DLGAP1: variants seen among roughly 807,000 people sequenced by gnomAD.
DLGAP1 encodes disks large-associated protein 1.
In DLGAP1, 11 loss-of-function variants were observed where a neutral mutation model predicts 90.8. That is an observed-to-expected ratio of 0.12 (90% confidence interval 0.08 to 0.20). The LOEUF (loss-of-function observed/expected upper bound fraction) is 0.20, where lower values mean the gene tolerates loss of function less well. Ranked by LOEUF, DLGAP1 falls within the 10% of genes least tolerant of loss-of-function variation. DLGAP1 has a pLI of 1.00. For missense variants in DLGAP1, 1,050 were observed against 1,333.8 expected, an observed-to-expected ratio of 0.79 and a Z score of 3.31; for synonymous variants, 558 against 540.7, an observed-to-expected ratio of 1.03 and a Z score of -0.44.
rs113703620 is a variant in DLGAP1 at position 3,946,672 on chromosome 18, T to C, written c.-73+58444A>G. ...CTCTGTGAAAAAAACTATCAAGTATTAAAATTAATTTGGTCTCTAACTAAT... is the reference window on the plus strand; with the variant it reads ...CTCTGTGAAAAAAACTATCAAGTATCAAAATTAATTTGGTCTCTAACTAAT... On this transcript the variant is annotated intron_variant, in intron 3 of 12. Transcript: ENST00000315677. 5.9e-3 allele frequency among the ~76,000 whole-genome samples: 895 copies of C among 152,296 alleles called. 10 individuals carry two copies. The highest frequency in any genetic ancestry group is 0.037 in the South Asian group (180 of 4,822).
intron 3 of DLGAP1, among the ~76,000 whole-genome samples, chr18:3,926,811 T>C (rs147806381): frequency 4.9e-4 from 75 of 152,240 alleles, no homozygotes; most frequent in African/African-American, 1.7e-3. Context: ...TGTAACACCA[T>C]TCTTGACTAA....
intron 7 of DLGAP1, among the ~76,000 whole-genome samples, chr18:3,614,807 CCACTGCACT>C (rs1196840376): frequency 6.7e-6 from 1 of 149,154 alleles, no homozygotes; most frequent in East Asian, 2.0e-4. Context: ...CGAGATAGTG[CCACTGCACT>C]CCAGCCTGGG....
intron 4 of DLGAP1, among the ~76,000 whole-genome samples, chr18:3,834,935 C>T (rs1272653770): frequency 6.6e-6 from 1 of 152,208 alleles, no homozygotes; most frequent in African/African-American, 2.4e-5. Flanking sequence ...ACCTAAGGAA[C>T]AGGCTTTGAC....
chr18:3,553,537 T>G (rs1023998862), intron 9 of DLGAP1, among the ~76,000 whole-genome samples: 1 of 152,108 alleles, frequency 6.6e-6, no homozygotes, highest in African/African-American at 2.4e-5. Context: ...TTTTTTGTTT[T>G]TTGTTTGTTT....
intron 5 of DLGAP1, among the ~76,000 whole-genome samples, chr18:3,812,023 A>T (rs2148415838): frequency 6.6e-6 from 1 of 152,314 alleles, no homozygotes; most frequent in South Asian, 2.1e-4. Context: ...TCACTCAGTG[A>T]ATGTGACCAA....
In DLGAP1 at chr18:3,772,489, C is replaced by T. The variant is rs1024083042; in HGVS notation, c.1173-29977G>A. 3.4e-5 allele frequency among the ~76,000 whole-genome samples: 4 copies of T among 116,738 alleles called. 1 individual carries two copies. The highest frequency in any genetic ancestry group is 2.5e-4 in the East Asian group (1 of 4,068). The allele number at this position is 116,738 out of a possible 152,430, so 76.6% of individuals were successfully genotyped here. A position where few individuals can be genotyped will look rare whatever the true frequency, so the allele number is the denominator to read the frequency against. On this transcript the variant is annotated intron_variant, in intron 5 of 12. Coordinates refer to ENST00000315677, the MANE Select transcript of DLGAP1 (RefSeq NM_004746.4). ...CTTTCTTTCTTTCTTTCTTCTGTCC[C>T]GGAGATCTTAATGAGCTCCTTGTGT...
chr18:4,275,616 G>A (rs1255059099), intron 1 of DLGAP1, among the ~76,000 whole-genome samples: 3 of 146,438 alleles, frequency 2.0e-5, no homozygotes, highest in Admixed American at 6.9e-5. Context: ...TTTTTCTCTC[G>A]CTAGAATATC....
chr18:4,247,722 A>C (rs1406167907), intron 1 of DLGAP1, among the ~76,000 whole-genome samples: 1 of 152,178 alleles, frequency 6.6e-6, no homozygotes, highest in Non-Finnish European at 1.5e-5. Flanking sequence ...GGTTGCAGTG[A>C]GCCCATATCG....
At chr18:3,903,557 A>G (rs2071831370) in intron 3 of DLGAP1, among the ~76,000 whole-genome samples, 1 of 152,224 alleles carries the variant, frequency 6.6e-6, no homozygotes, top group Admixed American at 6.5e-5. Flanking sequence ...CAGATCTTTT[A>G]AACCTCAGAT....
intron 8 of DLGAP1, chr18:3,580,059 A>G (rs1330020141): frequency 1.0e-5 from 7 of 695,466 alleles, no homozygotes; most frequent in Middle Eastern, 3.9e-4. Context: ...AAAGCACCTC[A>G]TGTTTGATTG....
chr18:3,559,773 C>T (rs1284543788), intron 9 of DLGAP1, among the ~76,000 whole-genome samples: 1 of 151,934 alleles, frequency 6.6e-6, no homozygotes, highest in African/African-American at 2.4e-5. Flanking sequence ...TAGGCAAGTG[C>T]CACCGTGCCC....
chr18:3,904,651 C>T (rs2071856640), intron 3 of DLGAP1, among the ~76,000 whole-genome samples: 1 of 152,122 alleles, frequency 6.6e-6, no homozygotes, highest in African/African-American at 2.4e-5. Context: ...TATAGTTTAA[C>T]CACTTAATGA....
intron 2 of DLGAP1, among the ~76,000 whole-genome samples, chr18:4,018,405 C>T (rs1203390229): frequency 1.3e-5 from 2 of 152,236 alleles, no homozygotes; most frequent in African/African-American, 4.8e-5. Flanking sequence ...TGTGAGGCAG[C>T]TCCCTTTGGC....
intron 5 of DLGAP1, among the ~76,000 whole-genome samples, chr18:3,750,615 G>A (rs1231510314): frequency 6.6e-5 from 10 of 152,160 alleles, no homozygotes; most frequent in Admixed American, 6.5e-4. Context: ...CTCCTATCAT[G>A]AGTCCTGTAT....
chr18:3,566,964 A>G (rs894422861), intron 9 of DLGAP1, among the ~76,000 whole-genome samples: 1 of 152,058 alleles, frequency 6.6e-6, no homozygotes, highest in Non-Finnish European at 1.5e-5. Flanking sequence ...TCCCATTTAT[A>G]GATACTAAGG....
intron 1 of DLGAP1, among the ~76,000 whole-genome samples, chr18:4,158,344 T>C (rs2076790556): frequency 1.3e-5 from 2 of 152,144 alleles, no homozygotes; most frequent in South Asian, 4.1e-4. Flanking sequence ...AAGAGGGGAA[T>C]GGCAGAAGGA....
intron 10 of DLGAP1, among the ~76,000 whole-genome samples, chr18:3,530,337 G>A (rs1378135616): frequency 3.3e-5 from 5 of 152,108 alleles, no homozygotes; most frequent in Admixed American, 6.5e-5. Flanking sequence ...GGCCCAGGAC[G>A]TCCAGGCTAC....
At chr18:4,389,541 A>G (rs1332410904) in intron 1 of DLGAP1, among the ~76,000 whole-genome samples, 1 of 152,232 alleles carries the variant, frequency 6.6e-6, no homozygotes, top group African/African-American at 2.4e-5. Context: ...GGAAAATTGT[A>G]TAAAGCAACT....
chr18:3,949,896 A>T (rs1028361900), intron 3 of DLGAP1, among the ~76,000 whole-genome samples: 1 of 152,218 alleles, frequency 6.6e-6, no homozygotes, highest in African/African-American at 2.4e-5. Context: ...TTTAGTCCAC[A>T]TGATATTTTG....
Sources: gnomAD v4.1 joint callset for allele counts (sites outside exome capture counted in the v4.1 genomes callset) on GRCh38, gnomAD v4.1.1 for gene constraint, MANE v1.5 for transcripts, NCBI Gene and HGNC (gene_info 2026-07-23, HGNC 2026-07-21) for gene names.